SDK2: variants seen among roughly 807,000 people sequenced by gnomAD.
SDK2 encodes the protein protein sidekick-2.
A neutral mutation model predicts 253.9 loss-of-function variants in SDK2; 105 were observed. The observed-to-expected ratio is 0.41, with a 90% CI of 0.35 to 0.49. The LOEUF (loss-of-function observed/expected upper bound fraction) is 0.49, where lower values mean the gene tolerates loss of function less well. Among genes scored for constraint, SDK2 ranks in the 20% least tolerant of loss-of-function variants. The pLI is 0.06. For synonymous variants in SDK2, 1,249 were observed against 1,234.9 expected, an observed-to-expected ratio of 1.01 and a Z score of -0.24; for missense variants, 2,608 against 3,003.0, an observed-to-expected ratio of 0.87 and a Z score of 3.07.
chr17:73,544,914 G>C (rs1386528451), intron 1 of SDK2, among the ~76,000 whole-genome samples: 1 of 152,052 alleles, frequency 6.6e-6, no homozygotes, highest in Non-Finnish European at 1.5e-5. Context: ...AGGTCACTGG[G>C]ACCTCAACCA....
At chr17:73,469,292 T>G (rs2145688643) in intron 3 of SDK2, among the ~76,000 whole-genome samples, 1 of 152,296 alleles carries the variant, frequency 6.6e-6, no homozygotes, top group Non-Finnish European at 1.5e-5. Flanking sequence ...TCACTGCCAC[T>G]GAGGGTCATC....
At chr17:73,614,539 G>C (rs886806369) in intron 1 of SDK2, among the ~76,000 whole-genome samples, 2 of 126,898 alleles carry the variant, frequency 1.6e-5, no homozygotes, top group African/African-American at 6.0e-5. Context: ...ACAAAGATGG[G>C]AACAAAAGAC....
chr17:73,383,937 T>A lies in SDK2; in HGVS notation c.4644A>T (p.Gly1548=), dbSNP rs1357811997. ...RIRYRELLYE[G]LRGFTLRGIN... ...TGCCTCGAAGCGTGAAGCCCCTCAG[T>A]CCTTCATAGAGCAGCTCCCGGTATC... The change falls in exon 33 of 45, where the codon GGA becomes GGT. Residue 1548 remains glycine, a synonymous_variant. Transcript: ENST00000392650. The surrounding 1 kb of genome is among the most constrained non-coding windows in gnomAD (Gnocchi z 4.3). 1.2e-6 allele frequency: 2 copies of A among 1,613,800 alleles called. No individual in the cohort carries two copies. Among genetic ancestry groups the A allele is most frequent in the Non-Finnish European group, 8.5e-7 (1 of 1,179,840 alleles).
At chr17:73,358,311 CAG>C in intron 39 of SDK2, 107 bp from the exon 40 acceptor site, 2 of 1,395,422 alleles carry the variant, frequency 1.4e-6, no homozygotes, top group Middle Eastern at 2.6e-4. Flanking sequence ...CAACCCTGGA[CAG>C]AGAGCCGCCA....
At chr17:73,355,529 G>A (rs2062584953) in intron 40 of SDK2, among the ~76,000 whole-genome samples, 1 of 151,920 alleles carries the variant, frequency 6.6e-6, no homozygotes. Context: ...TTTATTTTTA[G>A]CAGAGATGGG....
chr17:73,382,739 C>T (rs1424878692), intron 33 of SDK2, among the ~76,000 whole-genome samples: 1 of 152,198 alleles, frequency 6.6e-6, no homozygotes, highest in Admixed American at 6.5e-5. Flanking sequence ...CAGTGGCTCG[C>T]GCCTGTAATC....
At position 73,643,210 on chromosome 17, in the gene SDK2, G is replaced by T; in HGVS notation, c.64+815C>A. The T allele has an allele frequency of 6.6e-6, 1 of 152,604 alleles. No individual in the cohort carries two copies. Among genetic ancestry groups the T allele is most frequent in the Non-Finnish European group, 1.5e-5 (1 of 68,264 alleles). 9.5% of individuals were successfully genotyped at this position (152,604 alleles called of 1,614,324 possible). A position where few individuals can be genotyped will look rare whatever the true frequency, so the allele number is the denominator to read the frequency against. ...CAGATCACACCTCGGATCCTTCGTAGCACTCCCAAACCCAAAGCCACCAGC... is the reference window on the plus strand; with the variant it reads ...CAGATCACACCTCGGATCCTTCGTATCACTCCCAAACCCAAAGCCACCAGC... On this transcript the variant is annotated intron_variant, in intron 1 of 44. Coordinates refer to ENST00000392650, the MANE Select transcript of SDK2 (RefSeq NM_001144952.2). The surrounding 1 kb of genome is among the most constrained non-coding windows in gnomAD (Gnocchi z 6.9).
intron 44 of SDK2, among the ~76,000 whole-genome samples, chr17:73,344,979 T>C (rs1182254575): frequency 6.6e-6 from 1 of 152,158 alleles, no homozygotes; most frequent in Non-Finnish European, 1.5e-5. Context: ...CCAGGGGAAG[T>C]GGTCTCCTTA....
chr17:73,481,707 C>T lies in SDK2; in HGVS notation c.225-9489G>A, dbSNP rs1464937555. 6.6e-6 allele frequency among the ~76,000 whole-genome samples: 1 copy of T among 152,104 alleles called. No individual in the cohort carries two copies. The highest frequency in any genetic ancestry group is 1.5e-5 in the Non-Finnish European group (1 of 68,014). On this transcript the variant is annotated intron_variant, in intron 2 of 44. Transcript: ENST00000392650. This position sits in a 1 kb window ranked among gnomAD's most constrained non-coding sequence, Gnocchi z 4.5. ...GAATGTGCTGTCTTGGGAGGAGATG[C>T]CCATCTTCTCCTGCCCTTGGACGCT...
At chr17:73,603,398 T>C (rs2045867526) in intron 1 of SDK2, among the ~76,000 whole-genome samples, 1 of 152,200 alleles carries the variant, frequency 6.6e-6, no homozygotes, top group African/African-American at 2.4e-5. Flanking sequence ...TCCCTTCCCC[T>C]AGAAGATTCA....
Position 73,534,410 on chromosome 17 carries a change from C to T in SDK2, c.65-26813G>A, listed in dbSNP as rs1026138511. Among the ~76,000 whole-genome samples the T allele has an allele frequency of 1.3e-5, 2 of 151,876 alleles. No homozygotes were observed. Among genetic ancestry groups the T allele is most frequent in the African/African-American group, 4.8e-5 (2 of 41,310 alleles). On this transcript the variant is annotated intron_variant, in intron 1 of 44. Transcript: ENST00000392650. The surrounding 1 kb of genome is among the most constrained non-coding windows in gnomAD (Gnocchi z 4.9). ...AAGCATTCCTGGGACAGAGGCAGTG[C>T]TAAAGAGACGATTGCCGACAGATGC...
At chr17:73,557,540 T>C (rs1051820836) in intron 1 of SDK2, among the ~76,000 whole-genome samples, 22 of 152,138 alleles carry the variant, frequency 1.4e-4, no homozygotes, top group Admixed American at 1.4e-3. Context: ...TGCCCTCAAG[T>C]GGTCTGCCTA....
rs565885197 is a variant in SDK2 at position 73,403,085 on chromosome 17, C to T, written c.2485-944G>A. On this transcript the variant is annotated intron_variant, in intron 18 of 44. Coordinates refer to ENST00000392650, the MANE Select transcript of SDK2 (RefSeq NM_001144952.2). The stretch of plus-strand genomic sequence containing the variant: ...AAGTGCTGGGATTACAGGCATGAGC[C>T]GCTGTGCCCAGCCCAACCCTGTATT... Among the ~76,000 whole-genome samples, 16 of 152,300 alleles carry T rather than the reference C, an allele frequency of 1.1e-4. No individual in the cohort carries two copies. The South Asian group carries it at 2.9e-3, about 28-fold the overall frequency.
intron 1 of SDK2, among the ~76,000 whole-genome samples, chr17:73,635,355 C>T (rs1054763181): frequency 6.6e-6 from 1 of 152,132 alleles, no homozygotes; most frequent in Non-Finnish European, 1.5e-5. Flanking sequence ...TGCACTGGCT[C>T]TCACGGCTCG....
At chr17:73,377,322 G>T (rs1020607629) in intron 36 of SDK2, among the ~76,000 whole-genome samples, 4 of 150,522 alleles carry the variant, frequency 2.7e-5, no homozygotes, top group Non-Finnish European at 5.9e-5. Context: ...GGGTTCAAAC[G>T]ATTCTCCTGC....
At chr17:73,437,929 C>A in intron 7 of SDK2, 35 bp downstream of exon 7, 2 of 1,570,534 alleles carry the variant, frequency 1.3e-6, no homozygotes, top group East Asian at 2.3e-5. Flanking sequence ...GCCCCTACCC[C>A]TCAGGGGAGC....
Position 73,437,886 on chromosome 17 carries a change from G to C in SDK2, c.917-64C>G, listed in dbSNP as rs968605065. On this transcript the variant is annotated intron_variant, in intron 7 of 44. Transcript: ENST00000392650. ...GCTCGCTTTGATCCAGCCACTGTAGGGGGTCACCCTTAAGGAGGACCCTCG... is the reference window on the plus strand; with the variant it reads ...GCTCGCTTTGATCCAGCCACTGTAGCGGGTCACCCTTAAGGAGGACCCTCG... 1.9e-6 allele frequency: 3 copies of C among 1,604,290 alleles called. No individual in the cohort carries two copies. In the African/African-American group the frequency reaches 4.0e-5, roughly 21 times the overall value.
At chr17:73,349,129 C>T (rs79134486) in intron 43 of SDK2, among the ~76,000 whole-genome samples, 303 of 152,276 alleles carry the variant, frequency 2.0e-3, no homozygotes, top group African/African-American at 6.9e-3. Flanking sequence ...GGTGAGGCCA[C>T]GTGTGAAATG....
chr17:73,430,524 G>A lies in SDK2; in HGVS notation c.1570C>T (p.Arg524Ter), dbSNP rs958763262. The stretch of plus-strand genomic sequence containing the variant: ...CAGAGCCAGTACCTGATGGTTACTC[G>A]GGGGTCGTGGGTCACTCCGCACACC... Reference protein sequence around the residue: ...SMVCGVTHDPRVTIRYIWEKD... With the variant: ...SMVCGVTHDP The change falls in exon 12 of 45, where the codon CGA (arginine) becomes TGA (stop). Residue 524 changes from arginine (R) to a stop codon, truncating the protein, a stop_gained. Coordinates refer to ENST00000392650, the MANE Select transcript of SDK2 (RefSeq NM_001144952.2). LOFTEE classifies it high-confidence loss of function. 1 of 1,607,464 alleles carries A rather than the reference G, an allele frequency of 6.2e-7. No homozygotes were observed. The highest frequency in any genetic ancestry group is 8.5e-7 in the Non-Finnish European group (1 of 1,176,644).
Sources: gnomAD v4.1 joint callset for allele counts (sites outside exome capture counted in the v4.1 genomes callset) on GRCh38, gnomAD v4.1.1 for gene constraint, Gnocchi (gnomAD v3.1) non-coding constraint, MANE v1.5 for transcripts, NCBI Gene and HGNC (gene_info 2026-07-23, HGNC 2026-07-21) for gene names.